The following ITPR1 variants were observed in gnomAD, a reference collection of about 807,000 sequenced individuals.
The protein encoded by ITPR1 is inositol 1,4,5-trisphosphate-gated calcium channel ITPR1.
Under a neutral mutation model 318.4 loss-of-function variants are expected in ITPR1, and 96 were observed. The observed-to-expected ratio is 0.30, with a 90% CI of 0.26 to 0.36. ITPR1 has a LOEUF of 0.36. Among genes scored for constraint, ITPR1 ranks in the 10% least tolerant of loss-of-function variants. ITPR1 has a pLI of 1.00. For synonymous variants in ITPR1, 1,312 were observed against 1,289.9 expected (o/e 1.02, Z -0.37); for missense variants, 2,440 against 3,460.2 (o/e 0.71, Z 7.40).
intron 4 of ITPR1, among the ~76,000 whole-genome samples, chr3:4,563,740 G>A (rs1310354308): frequency 5.3e-5 from 8 of 151,966 alleles, no homozygotes; most frequent in Non-Finnish European, 7.4e-5. Flanking sequence ...ATATTTTTGC[G>A]TACCTGTGAC....
chr3:4,651,897 A>C (rs887281231), intron 10 of ITPR1, among the ~76,000 whole-genome samples: 1 of 152,236 alleles, frequency 6.6e-6, no homozygotes, highest in African/African-American at 2.4e-5. Flanking sequence ...TTTTATTCCA[A>C]CCATTGTATG....
intron 4 of ITPR1, among the ~76,000 whole-genome samples, chr3:4,555,128 A>G (rs2085996612): frequency 6.6e-6 from 1 of 152,164 alleles, no homozygotes; most frequent in African/African-American, 2.4e-5. Context: ...CAGTGTTTTT[A>G]TTTGTAGAAA....
chr3:4,804,625 G>C (rs1037876853), intron 54 of ITPR1, among the ~76,000 whole-genome samples: 1 of 152,134 alleles, frequency 6.6e-6, no homozygotes, highest in Non-Finnish European at 1.5e-5. Context: ...GTGTGTTTGA[G>C]GTGCTGTAAT....
chr3:4,842,843 T>G (rs1002453657), intron 61 of ITPR1, among the ~76,000 whole-genome samples: 12 of 152,202 alleles, frequency 7.9e-5, no homozygotes, highest in African/African-American at 2.7e-4. Flanking sequence ...TCATTATATT[T>G]GTTTTGATGT....
At chr3:4,660,187 A>G (rs1256220891) in intron 13 of ITPR1, among the ~76,000 whole-genome samples, 1 of 152,174 alleles carries the variant, frequency 6.6e-6, no homozygotes, top group Non-Finnish European at 1.5e-5. Flanking sequence ...CAATAAAATG[A>G]TATTGTTTTA....
At chr3:4,561,336 C>T (rs930757213) in intron 4 of ITPR1, among the ~76,000 whole-genome samples, 1 of 152,124 alleles carries the variant, frequency 6.6e-6, no homozygotes, top group Non-Finnish European at 1.5e-5. Flanking sequence ...TAAAAATATA[C>T]GACCAATTCC....
chr3:4,679,802 A>C (rs1258226027), intron 24 of ITPR1, among the ~76,000 whole-genome samples: 1 of 152,190 alleles, frequency 6.6e-6, no homozygotes, highest in Admixed American at 6.5e-5. Context: ...TAGGATGTCC[A>C]ACAGTCTGTA....
At chr3:4,539,797 G>A (rs983075294) in intron 4 of ITPR1, among the ~76,000 whole-genome samples, 1 of 152,078 alleles carries the variant, frequency 6.6e-6, no homozygotes, top group Non-Finnish European at 1.5e-5. Context: ...CAGCCCCATC[G>A]CCATGGGATA....
intron 60 of ITPR1, among the ~76,000 whole-genome samples, chr3:4,820,853 C>T (rs2049664144): frequency 6.6e-6 from 1 of 152,110 alleles, no homozygotes. Context: ...GCATTAGCCC[C>T]ATCAGGGTAG....
Position 4,847,403 on chromosome 3 carries a change from A to AAG in ITPR1, c.*1179_*1180insGA, listed in dbSNP as rs1295092669. 6.6e-6 allele frequency: 1 copy of AAG among 152,340 alleles called. No homozygotes were observed. Among genetic ancestry groups the AAG allele is most frequent in the Non-Finnish European group, 1.5e-5 (1 of 67,970 alleles). The allele number at this position is 152,340 out of a possible 1,614,324, so 9.4% of individuals were successfully genotyped here. The stretch of plus-strand genomic sequence containing the variant: ...ACAAGAGAATCTCTCTGCAAAAAAA[A>AAG]AAAAAACAGTTTAAAAATGCATTGA... On this transcript the variant is annotated 3_prime_UTR_variant, in exon 62 of 62. Transcript: ENST00000649015.
intron 3 of ITPR1, among the ~76,000 whole-genome samples, chr3:4,517,748 C>G (rs2082270254): frequency 6.6e-6 from 1 of 152,190 alleles, no homozygotes; most frequent in Non-Finnish European, 1.5e-5. Flanking sequence ...TGGCTTTTGG[C>G]AAAGAGGCCT....
At chr3:4,792,307 A>G (rs1299559830) in intron 52 of ITPR1, among the ~76,000 whole-genome samples, 1 of 152,238 alleles carries the variant, frequency 6.6e-6, no homozygotes, top group African/African-American at 2.4e-5. Context: ...AATGATTCAC[A>G]TGTCAACATG....
intron 23 of ITPR1, among the ~76,000 whole-genome samples, chr3:4,675,486 A>G (rs1451385744): frequency 2.0e-5 from 3 of 152,062 alleles, no homozygotes; most frequent in Admixed American, 6.5e-5. Flanking sequence ...TTTATTTTGT[A>G]TTTATGTGTA....
At chr3:4,538,185 TAAAC>T (rs1209253146) in intron 4 of ITPR1, among the ~76,000 whole-genome samples, 8 of 152,034 alleles carry the variant, frequency 5.3e-5, no homozygotes, top group African/African-American at 1.9e-4. Context: ...GCCTTAAACT[TAAAC>T]AAATTTACAA....
At chr3:4,616,307 A>G (rs1353676138) in intron 4 of ITPR1, among the ~76,000 whole-genome samples, 3 of 152,262 alleles carry the variant, frequency 2.0e-5, no homozygotes, top group African/African-American at 7.2e-5. Flanking sequence ...CATGAGGCTT[A>G]CAGTCTAATA....
chr3:4,576,293 G>A (rs976254095), intron 4 of ITPR1, among the ~76,000 whole-genome samples: 2 of 152,200 alleles, frequency 1.3e-5, no homozygotes, highest in South Asian at 2.1e-4. Context: ...TGGACAAATA[G>A]GTTGGAACCA....
intron 49 of ITPR1, among the ~76,000 whole-genome samples, chr3:4,781,180 G>C (rs2046814038): frequency 6.6e-6 from 1 of 152,224 alleles, no homozygotes; most frequent in Non-Finnish European, 1.5e-5. Flanking sequence ...TCCAGGGCCT[G>C]ACTTGGTGTC....
Position 4,555,492 on chromosome 3 carries a change from T to G in ITPR1, c.163+34398T>G, listed in dbSNP as rs192913510. Among the ~76,000 whole-genome samples the G allele has an allele frequency of 6.0e-3, 917 of 152,348 alleles. 8 individuals carry two copies. Among genetic ancestry groups the G allele is most frequent in the African/African-American group, 0.021 (878 of 41,580 alleles). On this transcript the variant is annotated intron_variant, in intron 4 of 61. Coordinates refer to ENST00000649015, the MANE Select transcript of ITPR1 (RefSeq NM_001378452.1). ...TTGGTTTTTTCACCTGACTCCTTTC[T>G]TAACCCATTTTTTGTTAATGTCAAT...
intron 4 of ITPR1, among the ~76,000 whole-genome samples, chr3:4,555,370 T>C (rs970733171): frequency 3.3e-5 from 5 of 152,204 alleles, no homozygotes; most frequent in African/African-American, 9.7e-5. Context: ...GTGTGTATCT[T>C]TCCAGGATGT....
Sources: allele counts gnomAD v4.1 joint callset (sites outside exome capture counted in the v4.1 genomes callset), GRCh38; gene constraint gnomAD v4.1.1; transcripts MANE v1.5; gene names NCBI Gene and HGNC (gene_info 2026-07-23, HGNC 2026-07-21).